GPC6: variants seen among roughly 807,000 people sequenced by gnomAD.
The protein encoded by GPC6 is glypican 6, also known as glypican-6.
GPC6 carries 14 observed loss-of-function variants against 55.2 expected under a neutral mutation model. The observed-to-expected ratio is 0.25, with a 90% CI of 0.17 to 0.40. GPC6 has a LOEUF of 0.40. Among genes scored for constraint, GPC6 ranks in the 10% least tolerant of loss-of-function variants. The pLI, the probability that GPC6 is intolerant of heterozygous loss-of-function variation, is 1.00. For synonymous variants in GPC6, 278 were observed against 259.6 expected (o/e 1.07, Z -0.68); for missense variants, 641 against 708.5 (o/e 0.90, Z 1.08).
At chr13:93,638,691 G>A (rs1879793974) in intron 2 of GPC6, among the ~76,000 whole-genome samples, 1 of 152,042 alleles carries the variant, frequency 6.6e-6, no homozygotes, top group Non-Finnish European at 1.5e-5. Context: ...TACAGCTAAA[G>A]TTGATTAAAG....
At chr13:93,561,426 T>TATATATATATATATATA (rs61094312) in intron 2 of GPC6, among the ~76,000 whole-genome samples, 60 of 143,358 alleles carry the variant, frequency 4.2e-4, no homozygotes, top group African/African-American at 5.5e-4. Context: ...TATATATATA[T>TATATATATATATATATA]TTGTTGCAGT....
chr13:94,276,586 C>T (rs190199521), intron 4 of GPC6, among the ~76,000 whole-genome samples: 1 of 152,014 alleles, frequency 6.6e-6, no homozygotes, highest in Non-Finnish European at 1.5e-5. Context: ...CCTCTAAGTT[C>T]CCACCCCTTG....
At chr13:93,778,658 C>T (rs1255144673) in intron 2 of GPC6, among the ~76,000 whole-genome samples, 1 of 152,102 alleles carries the variant, frequency 6.6e-6, no homozygotes, top group African/African-American at 2.4e-5. Flanking sequence ...GCTTCTATAC[C>T]AGGACAAATT....
intron 3 of GPC6, among the ~76,000 whole-genome samples, chr13:93,880,670 T>A (rs1359133969): frequency 1.3e-5 from 2 of 151,996 alleles, no homozygotes; most frequent in African/African-American, 4.8e-5. Context: ...CATATGTAAC[T>A]AACCTGCACA....
chr13:94,386,915 C>A (rs577187986), intron 7 of GPC6, among the ~76,000 whole-genome samples: 1 of 152,150 alleles, frequency 6.6e-6, no homozygotes, highest in African/African-American at 2.4e-5. Flanking sequence ...AGCTCTCTAC[C>A]GTACTTCCTT....
At chr13:93,870,264 G>A (rs1889089426) in intron 3 of GPC6, among the ~76,000 whole-genome samples, 1 of 151,752 alleles carries the variant, frequency 6.6e-6, no homozygotes, top group Admixed American at 6.6e-5. Flanking sequence ...CTTAGCAAGT[G>A]GTGTGGCTCA....
In GPC6 at chr13:93,609,363, C is replaced by T. The variant is rs189961237; in HGVS notation, c.319+63942C>T. The stretch of plus-strand genomic sequence containing the variant: ...CCAAGTAGCTGGGATTACCGGCACA[C>T]GCCACCACACCCAGCTATTTTTGTT... On this transcript the variant is annotated intron_variant, in intron 2 of 8. Coordinates refer to ENST00000377047, the MANE Select transcript of GPC6 (RefSeq NM_005708.5). 7.2e-5 allele frequency among the ~76,000 whole-genome samples: 11 copies of T among 152,262 alleles called. No individual in the cohort carries two copies. In the East Asian group the frequency reaches 9.7e-4, roughly 13 times the overall value.
chr13:93,827,434 G>A (rs1281909505), intron 2 of GPC6, among the ~76,000 whole-genome samples: 1 of 152,132 alleles, frequency 6.6e-6, no homozygotes, highest in African/African-American at 2.4e-5. Flanking sequence ...CCTTATTTTG[G>A]GAGGACATTA....
intron 1 of GPC6, among the ~76,000 whole-genome samples, chr13:93,281,901 C>T (rs1463347775): frequency 1.3e-5 from 2 of 152,096 alleles, no homozygotes; most frequent in Non-Finnish European, 2.9e-5. Context: ...GAATTCAATA[C>T]GTAGACAAAA....
At chr13:94,401,530 G>A (rs1283825894) in intron 8 of GPC6, among the ~76,000 whole-genome samples, 1 of 152,018 alleles carries the variant, frequency 6.6e-6, no homozygotes, top group African/African-American at 2.4e-5. Context: ...CCAAGGCCTT[G>A]GTTTCAAGCA....
At chr13:93,845,615 A>C (rs1888142126) in intron 3 of GPC6, among the ~76,000 whole-genome samples, 1 of 142,324 alleles carries the variant, frequency 7.0e-6, no homozygotes, top group Non-Finnish European at 1.5e-5. Flanking sequence ...TGGATTAAGA[A>C]AATGTGGCAC....
At position 94,289,024 on chromosome 13, in the gene GPC6, C is replaced by T. The variant is rs1163401353; in HGVS notation, c.1008+2545C>T. Among the ~76,000 whole-genome samples, 3 of 147,754 alleles carry T rather than the reference C, an allele frequency of 2.0e-5. No homozygotes were observed. The East Asian group carries it at 6.0e-4, about 30-fold the overall frequency. ...TTGTTCCCTACAAGTCTTCTCCTGA[C>T]TTCACTCACTAAAACTCCATGAGTG... On this transcript the variant is annotated intron_variant, in intron 5 of 8. Coordinates refer to ENST00000377047, the MANE Select transcript of GPC6 (RefSeq NM_005708.5).
intron 1 of GPC6, among the ~76,000 whole-genome samples, chr13:93,466,176 A>G (rs1231078647): frequency 6.6e-6 from 1 of 151,988 alleles, no homozygotes; most frequent in Non-Finnish European, 1.5e-5. Context: ...GTGCTGATAT[A>G]CTTTCTTGAT....
chr13:93,531,834 C>T (rs1407226842), intron 1 of GPC6, among the ~76,000 whole-genome samples: 2 of 152,104 alleles, frequency 1.3e-5, no homozygotes, highest in Non-Finnish European at 2.9e-5. Context: ...ATGGATAGCA[C>T]ACAACTTCTC....
chr13:94,104,574 C>T (rs1594739282), intron 4 of GPC6, among the ~76,000 whole-genome samples: 1 of 152,150 alleles, frequency 6.6e-6, no homozygotes, highest in Admixed American at 6.5e-5. Flanking sequence ...AAAACCCCAT[C>T]GTCTCAGCCC....
At chr13:94,194,598 G>A (rs1217378102) in intron 4 of GPC6, among the ~76,000 whole-genome samples, 1 of 152,104 alleles carries the variant, frequency 6.6e-6, no homozygotes, top group African/African-American at 2.4e-5. Flanking sequence ...TGGAGACTCG[G>A]AGGGAAAGGG....
intron 1 of GPC6, among the ~76,000 whole-genome samples, chr13:93,299,841 AAATT>A (rs1376532450): frequency 2.0e-5 from 3 of 152,360 alleles, no homozygotes; most frequent in African/African-American, 4.8e-5. Flanking sequence ...TTCGGGGTCT[AAATT>A]AATCGTATGA....
intron 1 of GPC6, among the ~76,000 whole-genome samples, chr13:93,298,152 G>A (rs1298932635): frequency 6.6e-6 from 1 of 152,134 alleles, no homozygotes; most frequent in Non-Finnish European, 1.5e-5. Context: ...CAGAAAGAAC[G>A]AGCCTATGCA....
At chr13:94,356,136 G>A (rs1475430673) in intron 6 of GPC6, among the ~76,000 whole-genome samples, 1 of 152,168 alleles carries the variant, frequency 6.6e-6, no homozygotes, top group Non-Finnish European at 1.5e-5. Flanking sequence ...TCCTTTGTCT[G>A]GCTGCATAGT....
Sources: allele counts gnomAD v4.1 joint callset (sites outside exome capture counted in the v4.1 genomes callset), GRCh38; gene constraint gnomAD v4.1.1; transcripts MANE v1.5; gene names NCBI Gene and HGNC (gene_info 2026-07-23, HGNC 2026-07-21).